Variants in KCNQ1OT1 observed in about 807,000 individuals in gnomAD.
KCNQ1OT1 encodes the protein KCNQ1 antisense RNA 2 (non-protein coding).
exon 1 of KCNQ1OT1, chr11:2,641,178 A>G (rs1849570873): frequency 2.5e-6 from 1 of 398,398 alleles, no homozygotes; most frequent in Non-Finnish European, 4.4e-6. Context: ...CTTTAGATAA[A>G]TATCCAGTAG....
exon 1 of KCNQ1OT1, chr11:2,629,335 T>C (rs570115788): frequency 1.9e-4 from 75 of 398,458 alleles, no homozygotes; most frequent in African/African-American, 1.1e-3. Context: ...CTAAATGTTA[T>C]GCAGTCCAAT....
Position 2,652,211 on chromosome 11 carries a change from A to G in KCNQ1OT1, n.47784T>C. On this transcript the variant is annotated non_coding_transcript_exon_variant, in exon 1 of 1. Coordinates refer to ENST00000597346, the Ensembl canonical transcript of KCNQ1OT1. This position sits in a 1 kb window ranked among gnomAD's most constrained non-coding sequence, Gnocchi z 5.9. ...TCTGGATTTGGTAGCCAGGGCCTGGAGCCGGATGCTGAGAATGAGGCCTGC... is the reference window on the plus strand; with the variant it reads ...TCTGGATTTGGTAGCCAGGGCCTGGGGCCGGATGCTGAGAATGAGGCCTGC... 1 of 398,594 alleles carries G rather than the reference A, an allele frequency of 2.5e-6. No individual in the cohort carries two copies. 24.7% of individuals were successfully genotyped at this position (398,594 alleles called of 1,614,324 possible).
chr11:2,631,736 G>A, exon 1 of KCNQ1OT1: 2 of 398,582 alleles, frequency 5.0e-6, no homozygotes, highest in South Asian at 2.5e-4. Context: ...AGGATATAAT[G>A]GAATACTCTT....
chr11:2,682,567 T>C lies in KCNQ1OT1; in HGVS notation n.17428A>G, dbSNP rs1850417342. ...TGGCAGGGGTTCCATAAGGCTATGC[T>C]GGGGTTCAGGCAACCCAAGGCTGGT... On this transcript the variant is annotated non_coding_transcript_exon_variant, in exon 1 of 1. Coordinates refer to ENST00000597346, the Ensembl canonical transcript of KCNQ1OT1. This position sits in a 1 kb window ranked among gnomAD's most constrained non-coding sequence, Gnocchi z 5.8. 2.5e-6 allele frequency: 1 copy of C among 398,450 alleles called. No homozygotes were observed. The highest frequency in any genetic ancestry group is 4.4e-6 in the Non-Finnish European group (1 of 226,086). 24.7% of individuals were successfully genotyped at this position (398,450 alleles called of 1,614,324 possible).
At chr11:2,697,812 A>G in exon 1 of KCNQ1OT1, 1 of 398,616 alleles carries the variant, frequency 2.5e-6, no homozygotes, top group Non-Finnish European at 4.4e-6. Flanking sequence ...CATAAGGGAA[A>G]TTCTTTATAG....
Position 2,657,931 on chromosome 11 carries a change from A to T in KCNQ1OT1, n.42064T>A, listed in dbSNP as rs975595977. The T allele has an allele frequency of 5.0e-5, 20 of 398,476 alleles. No homozygotes were observed. The highest frequency in any genetic ancestry group is 7.5e-5 in the Non-Finnish European group (17 of 226,062). 24.7% of individuals were successfully genotyped at this position (398,476 alleles called of 1,614,324 possible). On this transcript the variant is annotated non_coding_transcript_exon_variant, in exon 1 of 1. Coordinates refer to ENST00000597346, the Ensembl canonical transcript of KCNQ1OT1. The surrounding 1 kb of genome is among the most constrained non-coding windows in gnomAD (Gnocchi z 4.8). ...GAACATGACATCAACATGGTTTATC[A>T]CTGGTAATATTAACCTTGAGCCACT...
chr11:2,679,404 A>G lies in KCNQ1OT1; in HGVS notation n.20591T>C. 1 of 398,650 alleles carries G rather than the reference A, an allele frequency of 2.5e-6. No individual in the cohort carries two copies. Among genetic ancestry groups the G allele is most frequent in the Non-Finnish European group, 4.4e-6 (1 of 226,064 alleles). The allele number at this position is 398,650 out of a possible 1,614,324, so 24.7% of individuals were successfully genotyped here. A position where few individuals can be genotyped will look rare whatever the true frequency, so the allele number is the denominator to read the frequency against. ...CAGTTTCTTTATTTGTAAAATGGGA[A>G]TCATAAGAGTACCTTCCTCAGAGGG... On this transcript the variant is annotated non_coding_transcript_exon_variant, in exon 1 of 1. Coordinates refer to ENST00000597346, the Ensembl canonical transcript of KCNQ1OT1. This position sits in a 1 kb window ranked among gnomAD's most constrained non-coding sequence, Gnocchi z 4.8.
Position 2,663,957 on chromosome 11 carries a change from G to A in KCNQ1OT1, n.36038C>T, listed in dbSNP as rs1008683593. On this transcript the variant is annotated non_coding_transcript_exon_variant, in exon 1 of 1. Transcript: ENST00000597346. This position sits in a 1 kb window ranked among gnomAD's most constrained non-coding sequence, Gnocchi z 5.2. ...TCCACTCCAGGATGACAGGGCCTGA[G>A]AGACCTGAACATCCATCCCCAAGCT... 43 of 398,722 alleles carry A rather than the reference G, an allele frequency of 1.1e-4. No homozygotes were observed. The East Asian group carries it at 1.5e-3, about 14-fold the overall frequency. 24.7% of individuals were successfully genotyped at this position (398,722 alleles called of 1,614,324 possible).
chr11:2,674,135 C>T lies in KCNQ1OT1; in HGVS notation n.25860G>A, dbSNP rs1465498291. 2 of 398,518 alleles carry T rather than the reference C, an allele frequency of 5.0e-6. No homozygotes were observed. Among genetic ancestry groups the T allele is most frequent in the African/African-American group, 4.1e-5 (2 of 48,600 alleles). 24.7% of individuals were successfully genotyped at this position (398,518 alleles called of 1,614,324 possible). ...TGGAAGCTGGTTTGCCGGGGCCACCCAGTGTGGGCTCAGGAAGGGAAGGAA... is the reference window on the plus strand; with the variant it reads ...TGGAAGCTGGTTTGCCGGGGCCACCTAGTGTGGGCTCAGGAAGGGAAGGAA... On this transcript the variant is annotated non_coding_transcript_exon_variant, in exon 1 of 1. Coordinates refer to ENST00000597346, the Ensembl canonical transcript of KCNQ1OT1. This position sits in a 1 kb window ranked among gnomAD's most constrained non-coding sequence, Gnocchi z 5.9.
exon 1 of KCNQ1OT1, chr11:2,689,121 G>A: frequency 2.5e-6 from 1 of 398,792 alleles, no homozygotes; most frequent in Non-Finnish European, 4.4e-6. Flanking sequence ...CTGCCCTGGT[G>A]TGAAAGCCTG....
chr11:2,683,479 C>G lies in KCNQ1OT1; in HGVS notation n.16516G>C. On this transcript the variant is annotated non_coding_transcript_exon_variant, in exon 1 of 1. Transcript: ENST00000597346. This position sits in a 1 kb window ranked among gnomAD's most constrained non-coding sequence, Gnocchi z 4.7. ...ATATGATTCCATCAATGACAGTTTT[C>G]CTATTAAAACATAACTTGTTAAAGC... The G allele has an allele frequency of 2.5e-6, 1 of 398,592 alleles. No homozygotes were observed. The highest frequency in any genetic ancestry group is 4.4e-6 in the Non-Finnish European group (1 of 226,056). The allele number at this position is 398,592 out of a possible 1,614,324, so 24.7% of individuals were successfully genotyped here.
rs1283214697 is a variant in KCNQ1OT1 at position 2,669,252 on chromosome 11, C to T, written n.30743G>A. 2.3e-5 allele frequency: 9 copies of T among 398,598 alleles called. No individual in the cohort carries two copies. The highest frequency in any genetic ancestry group is 4.0e-5 in the Non-Finnish European group (9 of 226,142). 24.7% of individuals were successfully genotyped at this position (398,598 alleles called of 1,614,324 possible). On this transcript the variant is annotated non_coding_transcript_exon_variant, in exon 1 of 1. Coordinates refer to ENST00000597346, the Ensembl canonical transcript of KCNQ1OT1. This position sits in a 1 kb window ranked among gnomAD's most constrained non-coding sequence, Gnocchi z 5.6. The stretch of plus-strand genomic sequence containing the variant: ...TGCTGGCTCTGGCTGCTTCTCCTTC[C>T]CCATCACTGGCTTTGCTGTCTTTGC...
Position 2,647,735 on chromosome 11 carries a change from T to C in KCNQ1OT1, n.52260A>G, listed in dbSNP as rs1564844325. On this transcript the variant is annotated non_coding_transcript_exon_variant, in exon 1 of 1. Transcript: ENST00000597346. This position sits in a 1 kb window ranked among gnomAD's most constrained non-coding sequence, Gnocchi z 4.0. ...GTTCAATCTTGGGAGGTTATATATG[T>C]CCAGGAATTTATCTCTTTCCTCTAG... The C allele has an allele frequency of 2.5e-6, 1 of 398,396 alleles. No homozygotes were observed. Among genetic ancestry groups the C allele is most frequent in the East Asian group, 3.6e-5 (1 of 28,064 alleles). 24.7% of individuals were successfully genotyped at this position (398,396 alleles called of 1,614,324 possible). A position where few individuals can be genotyped will look rare whatever the true frequency, so the allele number is the denominator to read the frequency against.
At position 2,677,438 on chromosome 11, in the gene KCNQ1OT1, T is replaced by A. The variant is rs1287140960; in HGVS notation, n.22557A>T. On this transcript the variant is annotated non_coding_transcript_exon_variant, in exon 1 of 1. Transcript: ENST00000597346. This position sits in a 1 kb window ranked among gnomAD's most constrained non-coding sequence, Gnocchi z 4.5. ...CAGAGGACAGCAGGGGAGATGATAATTGATGCAGGTGGCCTCTTGGTCAAG... is the reference window on the plus strand; with the variant it reads ...CAGAGGACAGCAGGGGAGATGATAAATGATGCAGGTGGCCTCTTGGTCAAG... 2.5e-6 allele frequency: 1 copy of A among 398,444 alleles called. No homozygotes were observed. Among genetic ancestry groups the A allele is most frequent in the Non-Finnish European group, 4.4e-6 (1 of 226,062 alleles). The allele number at this position is 398,444 out of a possible 1,614,324, so 24.7% of individuals were successfully genotyped here.
exon 1 of KCNQ1OT1, chr11:2,615,060 T>A (rs1010831356): frequency 2.5e-6 from 1 of 398,236 alleles, no homozygotes; most frequent in Non-Finnish European, 4.4e-6. Context: ...TAAGTCTTCT[T>A]TAATTTTTGT....
chr11:2,643,109 TA>T, exon 1 of KCNQ1OT1: 1 of 398,236 alleles, frequency 2.5e-6, no homozygotes, highest in South Asian at 1.3e-4. Context: ...GTGTTCCATG[TA>T]CTGATGAGAA....
Position 2,627,550 on chromosome 11 carries a change from T to C in KCNQ1OT1, n.72445A>G, listed in dbSNP as rs964204546. The C allele has an allele frequency of 5.0e-6, 2 of 398,418 alleles. No homozygotes were observed. Among genetic ancestry groups the C allele is most frequent in the African/African-American group, 4.1e-5 (2 of 48,602 alleles). The allele number at this position is 398,418 out of a possible 1,614,324, so 24.7% of individuals were successfully genotyped here. Reference sequence around the variant, plus strand: ...TCCATATGTAACTGGGATAGTGCAGTATTTGTCTTTCTGTGTCTGGCTATT... The same window carrying C: ...TCCATATGTAACTGGGATAGTGCAGCATTTGTCTTTCTGTGTCTGGCTATT... On this transcript the variant is annotated non_coding_transcript_exon_variant, in exon 1 of 1. Coordinates refer to ENST00000597346, the Ensembl canonical transcript of KCNQ1OT1. The surrounding 1 kb of genome is among the most constrained non-coding windows in gnomAD (Gnocchi z 4.9).
At position 2,661,919 on chromosome 11, in the gene KCNQ1OT1, G is replaced by T. The variant is rs760716624; in HGVS notation, n.38076C>A. 2 of 1,613,730 alleles carry T rather than the reference G, an allele frequency of 1.2e-6. No homozygotes were observed. The highest frequency in any genetic ancestry group is 1.3e-5 in the African/African-American group (1 of 74,890). On this transcript the variant is annotated non_coding_transcript_exon_variant, in exon 1 of 1. Coordinates refer to ENST00000597346, the Ensembl canonical transcript of KCNQ1OT1. This position sits in a 1 kb window ranked among gnomAD's most constrained non-coding sequence, Gnocchi z 5.9. Reference sequence around the variant, plus strand: ...CCTGGCTCCACAGCACTGGCAGGTTGGGTGGGAGGCCTAACGTGCTGTCCC... The same window carrying T: ...CCTGGCTCCACAGCACTGGCAGGTTTGGTGGGAGGCCTAACGTGCTGTCCC...
chr11:2,613,321 T>A lies in KCNQ1OT1; in HGVS notation n.86674A>T, dbSNP rs1849010916. The A allele has an allele frequency of 2.5e-6, 1 of 398,462 alleles. No individual in the cohort carries two copies. The highest frequency in any genetic ancestry group is 4.4e-6 in the Non-Finnish European group (1 of 226,058). The allele number at this position is 398,462 out of a possible 1,614,324, so 24.7% of individuals were successfully genotyped here. A position where few individuals can be genotyped will look rare whatever the true frequency, so the allele number is the denominator to read the frequency against. Reference sequence around the variant, plus strand: ...CATATCTCCAGAATTCCTTTTAAAATTTTTCTTAATCTGTCGCTTGCCCAA... The same window carrying A: ...CATATCTCCAGAATTCCTTTTAAAAATTTTCTTAATCTGTCGCTTGCCCAA... On this transcript the variant is annotated non_coding_transcript_exon_variant, in exon 1 of 1. Transcript: ENST00000597346. This position sits in a 1 kb window ranked among gnomAD's most constrained non-coding sequence, Gnocchi z 4.8.
Sources: gnomAD v4.1 joint callset for allele counts on GRCh38, gnomAD v4.1.1 for gene constraint, Gnocchi (gnomAD v3.1) non-coding constraint, MANE v1.5 for transcripts, NCBI Gene and HGNC (gene_info 2026-07-23, HGNC 2026-07-21) for gene names.